The following NAV2 variants were observed in gnomAD, a reference collection of about 807,000 sequenced individuals.
The protein encoded by NAV2 is neuron navigator 2.
Under a neutral mutation model 223.2 loss-of-function variants are expected in NAV2, and 54 were observed. The ratio of observed to expected loss-of-function variants is 0.24; its 90% CI spans 0.19 to 0.30. NAV2 has a LOEUF of 0.30. Ranked by LOEUF, NAV2 falls within the 10% of genes least tolerant of loss-of-function variation. The pLI, the probability that NAV2 is intolerant of heterozygous loss-of-function variation, is 1.00. For missense variants in NAV2, 2,806 were observed against 3,147.5 expected, an observed-to-expected ratio of 0.89 and a Z score of 2.60; for synonymous variants, 1,279 against 1,239.3, an observed-to-expected ratio of 1.03 and a Z score of -0.67.
intron 11 of NAV2, among the ~76,000 whole-genome samples, chr11:20,000,361 G>A (rs947064578): frequency 2.6e-5 from 4 of 152,182 alleles, no homozygotes; most frequent in Admixed American, 6.5e-5. Flanking sequence ...TCTGTTTTTG[G>A]AAGTAAAGAT....
At chr11:19,613,893 T>A (rs1447519908) in intron 1 of NAV2, among the ~76,000 whole-genome samples, 1 of 152,232 alleles carries the variant, frequency 6.6e-6, no homozygotes, top group South Asian at 2.1e-4. Flanking sequence ...AAATGTAAAA[T>A]GGATAAAACC....
intron 20 of NAV2, among the ~76,000 whole-genome samples, chr11:20,066,814 C>G (rs894740900): frequency 9.2e-5 from 14 of 152,198 alleles, no homozygotes; most frequent in African/African-American, 3.4e-4. Context: ...AAATAGAGTT[C>G]TTACTGATGT....
rs78402210 is a variant in NAV2, at chr11:19,408,823, G to A, written c.75+57796G>A. On this transcript the variant is annotated intron_variant, in intron 1 of 37. Coordinates refer to the NAV2 transcript ENST00000360655. ...TTTACAGCCTCTTTTTTCTGGCGGG[G>A]TGGGGGGATGTTAATACTCCAAACT... Among the ~76,000 whole-genome samples the A allele has an allele frequency of 5.8e-3, 418 of 71,714 alleles. 1 individual carries two copies. Among genetic ancestry groups the A allele is most frequent in the Non-Finnish European group, 0.011 (335 of 30,566 alleles). The allele number at this position is 71,714 out of a possible 152,430, so 47.0% of individuals were successfully genotyped here. A position where few individuals can be genotyped will look rare whatever the true frequency, so the allele number is the denominator to read the frequency against.
At chr11:19,814,453 C>T (rs950948782) in intron 1 of NAV2, among the ~76,000 whole-genome samples, 1 of 152,168 alleles carries the variant, frequency 6.6e-6, no homozygotes, top group Non-Finnish European at 1.5e-5. Flanking sequence ...CATGGCTTTC[C>T]ACTTGCTGCC....
At chr11:20,103,225 G>A (rs2061765124) in intron 32 of NAV2, 30 bp from the exon 33 acceptor site, 1 of 1,594,350 alleles carries the variant, frequency 6.3e-7, no homozygotes, top group Non-Finnish European at 8.6e-7. Context: ...TCACCCACTT[G>A]TTCTCCTTCG....
At chr11:20,062,211 T>A (rs2058750049) in intron 19 of NAV2, 96 bp from the exon 20 acceptor site, 1 of 815,158 alleles carries the variant, frequency 1.2e-6, no homozygotes, top group Admixed American at 2.4e-5. Flanking sequence ...ATTCCAAGCC[T>A]GGAGTGTCCT....
At chr11:19,594,512 T>G (rs927353254) in intron 1 of NAV2, among the ~76,000 whole-genome samples, 1 of 152,032 alleles carries the variant, frequency 6.6e-6, no homozygotes, top group Admixed American at 6.6e-5. Context: ...CTGCTGCTGC[T>G]GTCATGGAAA....
intron 1 of NAV2, among the ~76,000 whole-genome samples, chr11:19,435,112 T>C (rs1851170131): frequency 6.6e-6 from 1 of 152,220 alleles, no homozygotes; most frequent in South Asian, 2.1e-4. Context: ...TTTAAAATCC[T>C]CTTTTTAAAC....
intron 1 of NAV2, among the ~76,000 whole-genome samples, chr11:19,581,082 G>A (rs1386718332): frequency 2.0e-5 from 3 of 152,130 alleles, no homozygotes; most frequent in Admixed American, 1.3e-4. Flanking sequence ...TGAGATGTCT[G>A]TTCATGTCTT....
intron 1 of NAV2, among the ~76,000 whole-genome samples, chr11:19,578,360 G>A (rs1396994132): frequency 6.6e-6 from 1 of 152,266 alleles, no homozygotes; most frequent in East Asian, 1.9e-4. Context: ...CTTGGCCACA[G>A]TCAGAGGTTA....
chr11:19,772,243 T>C (rs546600361), intron 1 of NAV2, among the ~76,000 whole-genome samples: 1 of 152,366 alleles, frequency 6.6e-6, no homozygotes. Flanking sequence ...TTTGCCTTCA[T>C]GATCCTAGAG....
intron 6 of NAV2, among the ~76,000 whole-genome samples, chr11:19,924,666 C>G (rs1020705615): frequency 6.6e-6 from 1 of 152,160 alleles, no homozygotes; most frequent in Admixed American, 6.5e-5. Context: ...AGCAAAATCT[C>G]CACCATGCAT....
chr11:19,358,868 T>G (rs1197378563), intron 1 of NAV2, among the ~76,000 whole-genome samples: 1 of 152,204 alleles, frequency 6.6e-6, no homozygotes, highest in African/African-American at 2.4e-5. Flanking sequence ...AAAATCATCA[T>G]GAGAAGCTAA....
intron 1 of NAV2, among the ~76,000 whole-genome samples, chr11:19,422,792 C>A (rs1396288752): frequency 6.6e-6 from 1 of 152,222 alleles, no homozygotes; most frequent in Non-Finnish European, 1.5e-5. Context: ...TCTTCCTATG[C>A]CTGCTCTTTC....
rs571707776 is a variant in NAV2, at chr11:19,740,573, AT to A, written c.267+26612del. Among the ~76,000 whole-genome samples, 270 of 152,294 alleles carry A rather than the reference AT, an allele frequency of 1.8e-3. 1 individual carries two copies. The highest frequency in any genetic ancestry group is 0.01 in the Middle Eastern group (3 of 294). ...AATGATCAATAAATACTAAAAAAAAATAAAAATAAAAATAAAAAGAACACAG... is the reference window on the plus strand; with the variant it reads ...AATGATCAATAAATACTAAAAAAAAAAAAAATAAAAATAAAAAGAACACAG... On this transcript the variant is annotated intron_variant, in intron 1 of 37. Coordinates refer to ENST00000349880, the MANE Select transcript of NAV2 (RefSeq NM_145117.5).
At position 19,809,373 on chromosome 11, in the gene NAV2, G is replaced by A. The variant is rs137997148; in HGVS notation, c.268-23111G>A. 2.5e-4 allele frequency among the ~76,000 whole-genome samples: 38 copies of A among 152,218 alleles called. 1 individual carries two copies. In the East Asian group the frequency reaches 6.9e-3, roughly 28 times the overall value. ...TGTTATCCATGGAGGATTAAGAATT[G>A]GGTTTTCAAACCTGGTTGCACACCA... On this transcript the variant is annotated intron_variant, in intron 1 of 37. Transcript: ENST00000349880.
chr11:20,070,178 TCCCGTGGGC>T (rs2059311527), intron 22 of NAV2, among the ~76,000 whole-genome samples: 1 of 151,976 alleles, frequency 6.6e-6, no homozygotes, highest in Non-Finnish European at 1.5e-5. Context: ...ACAGGTTCTA[TCCCGTGGGC>T]AGATTCTTCA....
At chr11:19,478,428 G>C (rs2042183282) in intron 1 of NAV2, among the ~76,000 whole-genome samples, 1 of 152,138 alleles carries the variant, frequency 6.6e-6, no homozygotes, top group African/African-American at 2.4e-5. Flanking sequence ...CAAAGCAACG[G>C]ACAGAGCAGG....
intron 6 of NAV2, among the ~76,000 whole-genome samples, chr11:19,904,993 A>G (rs2042751086): frequency 6.6e-6 from 1 of 152,136 alleles, no homozygotes; most frequent in Non-Finnish European, 1.5e-5. Flanking sequence ...CAGTAATTTC[A>G]CACATATCCC....
Sources: gnomAD v4.1 joint callset for allele counts (sites outside exome capture counted in the v4.1 genomes callset) on GRCh38, gnomAD v4.1.1 for gene constraint, MANE v1.5 for transcripts, NCBI Gene and HGNC (gene_info 2026-07-23, HGNC 2026-07-21) for gene names.